The following SHISA9 variants were observed in gnomAD, a reference collection of about 807,000 sequenced individuals.
SHISA9 encodes the protein shisa family member 9.
In SHISA9, 13 loss-of-function variants were observed where a neutral mutation model predicts 38.0. That is an observed-to-expected ratio of 0.34 (90% CI 0.22 to 0.54). The LOEUF is 0.54. SHISA9 is among the 20% of genes least tolerant of loss of function. The pLI is 0.91. For missense variants in SHISA9, 538 were observed against 575.8 expected (o/e 0.93, Z 0.67); for synonymous variants, 275 against 242.0 (o/e 1.14, Z -1.27).
In SHISA9 at chr16:12,925,519, C is replaced by T. The variant is rs117889422; in HGVS notation, c.691+8704C>T. Among the ~76,000 whole-genome samples, 393 of 151,924 alleles carry T rather than the reference C, an allele frequency of 2.6e-3. 5 individuals are homozygous for T. Among genetic ancestry groups the T allele is most frequent in the Non-Finnish European group, 4.2e-3 (284 of 67,974 alleles). On this transcript the variant is annotated intron_variant, in intron 2 of 4. Transcript: ENST00000558583. ...CCCTTAAAGGGAAAAAAATCACTTT[C>T]TGTAAGTTGTCTCCTGGGCTCTTTT...
the SHISA9 span, among the ~76,000 whole-genome samples, chr16:13,473,697 T>C: frequency 6.6e-5 from 10 of 152,218 alleles, no homozygotes; most frequent in Non-Finnish European, 1.5e-4. Flanking sequence ...ACTTGTTTGC[T>C]AGGTAATAAA....
At chr16:13,356,333 C>T in the SHISA9 span, among the ~76,000 whole-genome samples, 94 of 152,218 alleles carry the variant, frequency 6.2e-4, 1 homozygote, top group African/African-American at 1.8e-3. Context: ...AAGTGTCTCA[C>T]GGTTGCTGCC....
At chr16:13,154,209 T>A (rs1479527141) in intron 2 of SHISA9, among the ~76,000 whole-genome samples, 1 of 152,120 alleles carries the variant, frequency 6.6e-6, no homozygotes, top group Admixed American at 6.6e-5. Flanking sequence ...ACTGGGGAAA[T>A]TTAAGTTAGG....
intron 2 of SHISA9, among the ~76,000 whole-genome samples, chr16:13,118,240 A>G (rs2074050669): frequency 6.6e-6 from 1 of 151,758 alleles, no homozygotes; most frequent in Non-Finnish European, 1.5e-5. Context: ...ATTCACCAGT[A>G]ATACAGTCTA....
intron 2 of SHISA9, among the ~76,000 whole-genome samples, chr16:13,070,970 T>A (rs1271913315): frequency 6.6e-6 from 1 of 152,194 alleles, no homozygotes; most frequent in African/African-American, 2.4e-5. Flanking sequence ...TCCACTCTTA[T>A]CCTTGACCTG....
chr16:13,369,343 T>C, the SHISA9 span, among the ~76,000 whole-genome samples: 1 of 152,146 alleles, frequency 6.6e-6, no homozygotes, highest in East Asian at 1.9e-4. Context: ...TTAACATGTG[T>C]TCAGTCTAGG....
At chr16:13,270,306 T>C in the SHISA9 span, among the ~76,000 whole-genome samples, 5 of 151,400 alleles carry the variant, frequency 3.3e-5, no homozygotes, top group African/African-American at 9.7e-5. Flanking sequence ...AGAGCAGGAG[T>C]TGGGGGCGAG....
chr16:13,086,204 A>C (rs1057485673), intron 2 of SHISA9, among the ~76,000 whole-genome samples: 2 of 151,954 alleles, frequency 1.3e-5, no homozygotes, highest in African/African-American at 2.4e-5. Context: ...AAAATACAAA[A>C]ATTAGCTGGG....
the SHISA9 span, among the ~76,000 whole-genome samples, chr16:13,261,446 G>C: frequency 6.6e-6 from 1 of 152,108 alleles, no homozygotes; most frequent in Non-Finnish European, 1.5e-5. Flanking sequence ...TAAGTGTCTT[G>C]AGCAAGGCCA....
intron 2 of SHISA9, among the ~76,000 whole-genome samples, chr16:12,986,449 G>A (rs2072310703): frequency 6.6e-6 from 1 of 152,158 alleles, no homozygotes; most frequent in African/African-American, 2.4e-5. Context: ...GTGTTTTGTG[G>A]AGCGGTAATT....
intron 2 of SHISA9, among the ~76,000 whole-genome samples, chr16:13,144,169 T>C (rs984532927): frequency 6.6e-6 from 1 of 151,516 alleles, no homozygotes; most frequent in Admixed American, 6.6e-5. Flanking sequence ...TTTTTTTTTT[T>C]TTTTAATGGA....
At chr16:13,089,422 A>T (rs2073749991) in intron 2 of SHISA9, among the ~76,000 whole-genome samples, 1 of 152,096 alleles carries the variant, frequency 6.6e-6, no homozygotes, top group African/African-American at 2.4e-5. Context: ...CTGTGAATCC[A>T]TCTGGTCCTG....
At chr16:13,311,965 A>G in the SHISA9 span, among the ~76,000 whole-genome samples, 1 of 152,194 alleles carries the variant, frequency 6.6e-6, no homozygotes, top group Non-Finnish European at 1.5e-5. Flanking sequence ...ACAGTTTATT[A>G]TTTTTCTCCT....
intron 2 of SHISA9, among the ~76,000 whole-genome samples, chr16:13,030,179 C>A (rs966781450): frequency 6.6e-6 from 1 of 151,988 alleles, no homozygotes; most frequent in African/African-American, 2.4e-5. Context: ...GCCATGTCCA[C>A]ATCTCCTTGG....
chr16:13,207,375 A>T (rs2051075207), intron 3 of SHISA9, among the ~76,000 whole-genome samples: 4 of 152,184 alleles, frequency 2.6e-5, no homozygotes, highest in Admixed American at 2.6e-4. Flanking sequence ...TCAGTGTGAA[A>T]ATCATTTCAC....
At chr16:12,917,798 C>T (rs1216793298) in intron 2 of SHISA9, among the ~76,000 whole-genome samples, 1 of 152,140 alleles carries the variant, frequency 6.6e-6, no homozygotes, top group African/African-American at 2.4e-5. Context: ...TCTAATGATG[C>T]ACATTTTTAC....
chr16:12,995,218 T>C (rs1029528844), intron 2 of SHISA9, among the ~76,000 whole-genome samples: 2 of 152,210 alleles, frequency 1.3e-5, no homozygotes, highest in Non-Finnish European at 2.9e-5. Flanking sequence ...ATTTCTCCTT[T>C]GCATTACAAA....
At chr16:13,089,675 A>G (rs1210053163) in intron 2 of SHISA9, among the ~76,000 whole-genome samples, 4 of 151,928 alleles carry the variant, frequency 2.6e-5, no homozygotes, top group African/African-American at 9.7e-5. Flanking sequence ...TATTGCATCT[A>G]TTTTATTTTT....
intron 2 of SHISA9, among the ~76,000 whole-genome samples, chr16:13,058,690 C>G (rs1160733374): frequency 2.0e-5 from 3 of 151,980 alleles, no homozygotes; most frequent in African/African-American, 7.2e-5. Flanking sequence ...AGCTTTTGTA[C>G]AGGTTCAGGG....
Sources: gnomAD v4.1 joint callset for allele counts (sites outside exome capture counted in the v4.1 genomes callset) on GRCh38, gnomAD v4.1.1 for gene constraint, MANE v1.5 for transcripts, NCBI Gene and HGNC (gene_info 2026-07-23, HGNC 2026-07-21) for gene names.